FAM168A: variants seen among roughly 807,000 people sequenced by gnomAD.
FAM168A encodes protein FAM168A.
FAM168A carries 3 observed loss-of-function variants against 28.5 expected under a neutral mutation model. That is an observed-to-expected ratio of 0.11 (90% CI 0.05 to 0.27). FAM168A has a LOEUF of 0.27. Ranked by LOEUF, FAM168A falls within the 10% of genes least tolerant of loss-of-function variation. FAM168A has a pLI of 1.00. For missense variants in FAM168A, 222 were observed against 311.5 expected (o/e 0.71, Z 2.16); for synonymous variants, 122 against 124.2 (o/e 0.98, Z 0.12).
chr11:73,509,553 C>A (rs1401417836), intron 1 of FAM168A, among the ~76,000 whole-genome samples: 1 of 152,146 alleles, frequency 6.6e-6, no homozygotes, highest in Admixed American at 6.5e-5. Context: ...GAGATGTCCA[C>A]CACAAAACCC....
chr11:73,437,897 T>C (rs1404059892), intron 2 of FAM168A, among the ~76,000 whole-genome samples: 2 of 152,202 alleles, frequency 1.3e-5, no homozygotes, highest in African/African-American at 4.8e-5. Flanking sequence ...GTTCCTTCAA[T>C]CTTCCCTCAT....
At chr11:73,468,277 CAT>C in intron 2 of FAM168A, 126 bp downstream of exon 2, 4 of 739,614 alleles carry the variant, frequency 5.4e-6, no homozygotes, top group East Asian at 2.7e-5. Flanking sequence ...GGACCTCAGA[CAT>C]ATCTTCTGCA....
At chr11:73,583,079 CG>C (rs770816585) in intron 1 of FAM168A, among the ~76,000 whole-genome samples, 5 of 152,034 alleles carry the variant, frequency 3.3e-5, no homozygotes, top group African/African-American at 4.8e-5. Context: ...CCAAGGCAGG[CG>C]GATCACGAGG....
intron 1 of FAM168A, among the ~76,000 whole-genome samples, chr11:73,501,000 C>G (rs1206325117): frequency 6.7e-6 from 1 of 148,166 alleles, no homozygotes; most frequent in Admixed American, 6.7e-5. Flanking sequence ...GAAAATTTAC[C>G]AAGCAAATGG....
chr11:73,592,722 C>A (rs116269304), intron 1 of FAM168A, among the ~76,000 whole-genome samples: 4 of 151,908 alleles, frequency 2.6e-5, no homozygotes, highest in African/African-American at 9.7e-5. Context: ...GGAGAAAGAA[C>A]AACAGAGGCC....
At chr11:73,508,493 C>T (rs1158738798) in intron 1 of FAM168A, among the ~76,000 whole-genome samples, 2 of 152,044 alleles carry the variant, frequency 1.3e-5, no homozygotes, top group Non-Finnish European at 1.5e-5. Flanking sequence ...TCCACCAAGT[C>T]GGAACAAAAT....
At chr11:73,423,354 C>T (rs148369327) in intron 3 of FAM168A, among the ~76,000 whole-genome samples, 124 of 152,234 alleles carry the variant, frequency 8.1e-4, no homozygotes, top group Non-Finnish European at 1.5e-3. Context: ...ATCATAAAAC[C>T]CCCTTTCTTG....
At chr11:73,579,235 T>C (rs1169855068) in intron 1 of FAM168A, among the ~76,000 whole-genome samples, 4 of 152,194 alleles carry the variant, frequency 2.6e-5, no homozygotes, top group Admixed American at 2.0e-4. Flanking sequence ...ACTCAGTCCA[T>C]AGCACTACCA....
In FAM168A at chr11:73,597,379, C is replaced by T. The variant is rs1944449173; in HGVS notation, c.-19+544G>A. On this transcript the variant is annotated intron_variant, in intron 1 of 7. Transcript: ENST00000356467. ...CCAAGCCCCTCACCCCCAACTCCTGCCACCTCCATCATCCTGCCCCAGGTC... is the reference window on the plus strand; with the variant it reads ...CCAAGCCCCTCACCCCCAACTCCTGTCACCTCCATCATCCTGCCCCAGGTC... Among the ~76,000 whole-genome samples the T allele has an allele frequency of 1.3e-5, 2 of 152,056 alleles. 1 individual carries two copies. The highest frequency in any genetic ancestry group is 2.9e-5 in the Non-Finnish European group (2 of 67,998).
chr11:73,525,475 A>G (rs558406160), intron 1 of FAM168A, among the ~76,000 whole-genome samples: 1 of 152,296 alleles, frequency 6.6e-6, no homozygotes, highest in East Asian at 1.9e-4. Flanking sequence ...CTCTCAGCTG[A>G]GTCTAGCATC....
chr11:73,547,442 A>G (rs948888833), intron 1 of FAM168A, among the ~76,000 whole-genome samples: 6 of 152,244 alleles, frequency 3.9e-5, no homozygotes, highest in Admixed American at 2.0e-4. Context: ...TGAAAATAGT[A>G]TATCTGCTTG....
intron 1 of FAM168A, among the ~76,000 whole-genome samples, chr11:73,490,846 C>A (rs141195646): frequency 1.6e-3 from 243 of 152,256 alleles, no homozygotes; most frequent in African/African-American, 5.7e-3. Flanking sequence ...TCTTCTCCCC[C>A]CTTCACCCAA....
chr11:73,485,497 A>G (rs191440480), intron 1 of FAM168A, among the ~76,000 whole-genome samples: 32 of 152,312 alleles, frequency 2.1e-4, no homozygotes, highest in Non-Finnish European at 3.8e-4. Flanking sequence ...ATGATAGACA[A>G]TCTGAACCTT....
chr11:73,434,510 ACAGT>A (rs898852101), intron 2 of FAM168A, among the ~76,000 whole-genome samples: 23 of 152,332 alleles, frequency 1.5e-4, no homozygotes, highest in African/African-American at 4.6e-4. Context: ...TTTAGACAAA[ACAGT>A]CAGTGCAAAG....
intron 2 of FAM168A, among the ~76,000 whole-genome samples, chr11:73,434,691 A>T (rs988807497): frequency 1.3e-5 from 2 of 152,236 alleles, no homozygotes; most frequent in Non-Finnish European, 2.9e-5. Flanking sequence ...TTAGACTTCT[A>T]TTCTGAGTGA....
At chr11:73,546,609 G>A (rs1943756586) in intron 1 of FAM168A, among the ~76,000 whole-genome samples, 1 of 152,052 alleles carries the variant, frequency 6.6e-6, no homozygotes, top group Admixed American at 6.6e-5. Flanking sequence ...GCACATGCCT[G>A]TAATTCCAGC....
chr11:73,482,181 CTTTTTTTTTTTTTTTT>C (rs55882143), intron 1 of FAM168A, among the ~76,000 whole-genome samples: 7 of 77,556 alleles, frequency 9.0e-5, no homozygotes, highest in African/African-American at 2.3e-4. Flanking sequence ...ATCCAACAGC[CTTTTTTTTTTTTTTTT>C]TTTTTTTTTA....
At chr11:73,485,478 C>T (rs547471514) in intron 1 of FAM168A, among the ~76,000 whole-genome samples, 28 of 152,228 alleles carry the variant, frequency 1.8e-4, no homozygotes, top group East Asian at 3.9e-4. Flanking sequence ...TGAAAGAATA[C>T]GTGAATGAAT....
chr11:73,579,417 T>C (rs1944217721), intron 1 of FAM168A, among the ~76,000 whole-genome samples: 1 of 152,152 alleles, frequency 6.6e-6, no homozygotes, highest in African/African-American at 2.4e-5. Flanking sequence ...ACCTAATAGA[T>C]GGAGAAAATA....
Sources: allele counts gnomAD v4.1 joint callset (sites outside exome capture counted in the v4.1 genomes callset), GRCh38; gene constraint gnomAD v4.1.1; transcripts MANE v1.5; gene names NCBI Gene and HGNC (gene_info 2026-07-23, HGNC 2026-07-21).